The following HS3ST3A1 variants were observed in gnomAD, a reference collection of about 807,000 sequenced individuals.
HS3ST3A1 encodes the protein heparan sulfate glucosamine 3-O-sulfotransferase 3A1.
Under a neutral mutation model 25.7 loss-of-function variants are expected in HS3ST3A1, and 19 were observed. The observed-to-expected ratio is 0.74, with a 90% CI of 0.52 to 1.08. The LOEUF is 1.08. HS3ST3A1 is among the 50% of genes least tolerant of loss of function. The probability of loss-of-function intolerance (pLI) is 0.00; values close to 1 mark genes in which losing one functional copy is unlikely to be tolerated. For missense variants in HS3ST3A1, 459 were observed against 594.3 expected (o/e 0.77, Z 2.37); for synonymous variants, 226 against 278.6 (o/e 0.81, Z 1.88).
intron 1 of HS3ST3A1, among the ~76,000 whole-genome samples, chr17:13,518,288 A>C (rs1906118800): frequency 6.6e-6 from 1 of 152,184 alleles, no homozygotes; most frequent in Non-Finnish European, 1.5e-5. Context: ...CTGCTGAAAA[A>C]TCTCTAATTT....
chr17:13,496,529 G>C lies in HS3ST3A1; in HGVS notation c.889C>G (p.His297Asp), dbSNP rs766837189. The change falls in exon 2 of 2, where the codon CAC (histidine) becomes GAC (aspartate). Residue 297 changes from histidine (H) to aspartate (D), a missense_variant. Physicochemically the swap from His to Asp is moderately conservative, Grantham distance 81. Around this residue, in one of 3 missense-constraint regions of HS3ST3A1, gnomAD observed 67 missense variants for 231.4 expected, o/e 0.29. Transcript: ENST00000284110. ...QIGIYAKHLE[H>D]WLRHFPIRQM... ...CGGATGGGGAAGTGGCGCAGCCAGT[G>C]CTCCAGGTGCTTGGCGTAGATGCCG... 8.6e-6 allele frequency: 13 copies of C among 1,504,090 alleles called. No individual in the cohort carries two copies. The African/African-American group carries it at 1.7e-4, about 20-fold the overall frequency. 93.2% of individuals were successfully genotyped at this position (1,504,090 alleles called of 1,614,324 possible). A position where few individuals can be genotyped will look rare whatever the true frequency, so the allele number is the denominator to read the frequency against.
At chr17:13,558,672 A>G (rs955014574) in intron 1 of HS3ST3A1, among the ~76,000 whole-genome samples, 1 of 152,188 alleles carries the variant, frequency 6.6e-6, no homozygotes, top group African/African-American at 2.4e-5. Flanking sequence ...AACATGGCAA[A>G]ATATCAAATC....
rs1908700453 is a variant in HS3ST3A1 at position 13,600,684 on chromosome 17, C to A, written c.446G>T (p.Ser149Ile). Reference sequence around the variant, plus strand: ...GATGATGGCCTGCGGCAGCTGCTTGCTGCCTTCGTCCAGGAGCAGCGCCAG... The same window carrying A: ...GATGATGGCCTGCGGCAGCTGCTTGATGCCTTCGTCCAGGAGCAGCGCCAG... ...GTLALLLDEG[S>I]KQLPQAIIIG... The change falls in exon 1 of 2, where the codon AGC (serine) becomes ATC (isoleucine). Residue 149 changes from serine (S) to isoleucine (I), a missense_variant. Ser to Ile is a moderately radical substitution (Grantham distance 142). Transcript: ENST00000284110. 6.3e-7 allele frequency: 1 copy of A among 1,582,322 alleles called. No homozygotes were observed. Among genetic ancestry groups the A allele is most frequent in the Non-Finnish European group, 8.5e-7 (1 of 1,171,038 alleles).
chr17:13,537,760 C>T (rs542664371), intron 1 of HS3ST3A1, among the ~76,000 whole-genome samples: 4 of 152,248 alleles, frequency 2.6e-5, no homozygotes, highest in Middle Eastern at 3.4e-3. Context: ...AAAATTTCTA[C>T]GAACACTTGT....
At chr17:13,524,472 G>T (rs1015183578) in intron 1 of HS3ST3A1, among the ~76,000 whole-genome samples, 7 of 152,124 alleles carry the variant, frequency 4.6e-5, no homozygotes, top group African/African-American at 1.7e-4. Flanking sequence ...TGCCCAGGGG[G>T]AGGACTCTGG....
At chr17:13,583,236 A>C (rs577761270) in intron 1 of HS3ST3A1, among the ~76,000 whole-genome samples, 2 of 152,062 alleles carry the variant, frequency 1.3e-5, no homozygotes, top group Admixed American at 1.3e-4. Context: ...ATTCCCCTTC[A>C]TGTTGGCCTC....
chr17:13,567,012 A>C (rs534869325), intron 1 of HS3ST3A1, among the ~76,000 whole-genome samples: 1 of 152,374 alleles, frequency 6.6e-6, no homozygotes, highest in Non-Finnish European at 1.5e-5. Context: ...AGAAGATGCC[A>C]TGTAGGAATT....
chr17:13,581,997 T>C (rs1908127302), intron 1 of HS3ST3A1, among the ~76,000 whole-genome samples: 1 of 152,214 alleles, frequency 6.6e-6, no homozygotes, highest in South Asian at 2.1e-4. Context: ...GAGAACGGTG[T>C]GAAATTTTCT....
intron 1 of HS3ST3A1, among the ~76,000 whole-genome samples, chr17:13,517,027 G>A (rs115594476): frequency 6.6e-6 from 1 of 152,096 alleles, no homozygotes; most frequent in African/African-American, 2.4e-5. Flanking sequence ...ATGAGTATCA[G>A]GAAACAGTGA....
chr17:13,514,908 A>T (rs1433267141), intron 1 of HS3ST3A1, among the ~76,000 whole-genome samples: 2 of 152,228 alleles, frequency 1.3e-5, no homozygotes, highest in Admixed American at 6.5e-5. Flanking sequence ...TTTACTGAGG[A>T]ACATAAAAGA....
At chr17:13,502,350 C>A (rs186615673) in intron 1 of HS3ST3A1, among the ~76,000 whole-genome samples, 1 of 152,180 alleles carries the variant, frequency 6.6e-6, no homozygotes, top group South Asian at 2.1e-4. Context: ...TGTGCCTTAA[C>A]GATGGTCCAA....
At chr17:13,574,759 CAA>C (rs1426918791) in intron 1 of HS3ST3A1, among the ~76,000 whole-genome samples, 2 of 75,718 alleles carry the variant, frequency 2.6e-5, no homozygotes, top group African/African-American at 1.3e-4. Context: ...CACACACACA[CAA>C]AAAACACACA....
intron 1 of HS3ST3A1, among the ~76,000 whole-genome samples, chr17:13,527,068 C>A (rs1428797497): frequency 1.3e-5 from 2 of 152,272 alleles, no homozygotes; most frequent in South Asian, 2.1e-4. Flanking sequence ...GTTCCAGCCC[C>A]AAACAACCTA....
At chr17:13,596,341 CT>C (rs1278816238) in intron 1 of HS3ST3A1, among the ~76,000 whole-genome samples, 4 of 151,496 alleles carry the variant, frequency 2.6e-5, no homozygotes, top group African/African-American at 9.7e-5. Flanking sequence ...TACTTGGTAA[CT>C]TTCCTCTCAT....
chr17:13,560,559 C>G (rs1267085706), intron 1 of HS3ST3A1, among the ~76,000 whole-genome samples: 1 of 152,068 alleles, frequency 6.6e-6, no homozygotes, highest in Non-Finnish European at 1.5e-5. Context: ...AATTTTATTA[C>G]AGCGTGTGTC....
intron 1 of HS3ST3A1, among the ~76,000 whole-genome samples, chr17:13,498,426 C>A (rs1204510922): frequency 6.6e-6 from 1 of 152,108 alleles, no homozygotes. Flanking sequence ...AATCTCTCTC[C>A]CCCAAGGCAG....
At chr17:13,549,431 C>A (rs1298906827) in intron 1 of HS3ST3A1, among the ~76,000 whole-genome samples, 2 of 152,220 alleles carry the variant, frequency 1.3e-5, no homozygotes, top group African/African-American at 4.8e-5. Flanking sequence ...GACACAATGT[C>A]ATCTACCCAC....
chr17:13,565,454 C>T lies in HS3ST3A1; in HGVS notation c.599+35077G>A, dbSNP rs565649978. 4.6e-5 allele frequency among the ~76,000 whole-genome samples: 7 copies of T among 152,248 alleles called. No individual in the cohort carries two copies. In the South Asian group the frequency reaches 1.2e-3, roughly 27 times the overall value. ...GGCTGAGGAAGGAGGATCACTTGAG[C>T]CTGGGAGGTCAAGGCTGCAGTGAGC... On this transcript the variant is annotated intron_variant, in intron 1 of 1. Transcript: ENST00000284110.
chr17:13,598,400 A>T (rs910662037), intron 1 of HS3ST3A1, among the ~76,000 whole-genome samples: 14 of 152,178 alleles, frequency 9.2e-5, no homozygotes, highest in Admixed American at 3.9e-4. Context: ...GGATTTTTTT[A>T]AAATAAGTTT....
Sources: allele counts gnomAD v4.1 joint callset (sites outside exome capture counted in the v4.1 genomes callset), GRCh38; gene constraint gnomAD v4.1.1; regional missense constraint gnomAD v4.1.1; transcripts MANE v1.5; gene names NCBI Gene and HGNC (gene_info 2026-07-23, HGNC 2026-07-21).